Variants in DSCAM observed in about 807,000 individuals in gnomAD.
DSCAM encodes cell adhesion molecule DSCAM.
Under a neutral mutation model 217.7 loss-of-function variants are expected in DSCAM, and 47 were observed. The ratio of observed to expected loss-of-function variants is 0.22; its 90% CI spans 0.17 to 0.28. The LOEUF (loss-of-function observed/expected upper bound fraction) is 0.28, where lower values mean the gene tolerates loss of function less well. Among genes scored for constraint, DSCAM ranks in the 10% least tolerant of loss-of-function variants. The probability of loss-of-function intolerance (pLI) is 1.00; values close to 1 mark genes in which losing one functional copy is unlikely to be tolerated. For missense variants in DSCAM, 2,080 were observed against 2,618.3 expected (o/e 0.79, Z 4.49); for synonymous variants, 1,056 against 1,015.3 (o/e 1.04, Z -0.76).
intron 3 of DSCAM, among the ~76,000 whole-genome samples, chr21:40,592,243 GTTTAGGTAGT>G (rs1243467301): frequency 6.6e-6 from 1 of 152,156 alleles, no homozygotes; most frequent in Non-Finnish European, 1.5e-5. Context: ...TCTGTAAGGA[GTTTAGGTAGT>G]TATCCTAAGG....
At chr21:40,314,598 A>G (rs1029627584) in intron 8 of DSCAM, among the ~76,000 whole-genome samples, 12 of 152,222 alleles carry the variant, frequency 7.9e-5, no homozygotes, top group Non-Finnish European at 1.2e-4. Context: ...TGCTCACTAT[A>G]TATGTAAATA....
At chr21:40,025,314 A>C (rs1456628011) in intron 32 of DSCAM, among the ~76,000 whole-genome samples, 3 of 141,008 alleles carry the variant, frequency 2.1e-5, no homozygotes, top group Non-Finnish European at 4.6e-5. Flanking sequence ...TTCATCAAGG[A>C]TATTGGTCTA....
intron 11 of DSCAM, among the ~76,000 whole-genome samples, chr21:40,268,433 C>T (rs1455541704): frequency 6.6e-6 from 1 of 152,082 alleles, no homozygotes; most frequent in African/African-American, 2.4e-5. Flanking sequence ...AAGGTAATGG[C>T]TGATTGAGGG....
At chr21:40,618,366 G>T (rs1451252639) in intron 3 of DSCAM, 1 of 152,190 alleles carries the variant, frequency 6.6e-6, no homozygotes, top group Non-Finnish European at 1.5e-5. Context: ...GGCAGGAGGG[G>T]TGCTTGTTGC....
intron 21 of DSCAM, among the ~76,000 whole-genome samples, chr21:40,089,606 T>G (rs1447614068): frequency 2.6e-5 from 4 of 152,200 alleles, no homozygotes; most frequent in Admixed American, 2.6e-4. Context: ...TACCTGTCGC[T>G]AGACTGCTGC....
chr21:40,829,329 T>C (rs374685793), intron 1 of DSCAM, among the ~76,000 whole-genome samples: 4 of 151,832 alleles, frequency 2.6e-5, no homozygotes, highest in African/African-American at 9.7e-5. Flanking sequence ...GTGAGAAAGG[T>C]GTGAAGTAGT....
At chr21:40,557,842 G>GCA (rs2076684536) in intron 3 of DSCAM, among the ~76,000 whole-genome samples, 1 of 152,120 alleles carries the variant, frequency 6.6e-6, no homozygotes, top group Admixed American at 6.5e-5. Context: ...GAACTAAAAT[G>GCA]CACTGATACA....
At chr21:40,717,777 A>C (rs2090858345) in intron 1 of DSCAM, among the ~76,000 whole-genome samples, 1 of 152,256 alleles carries the variant, frequency 6.6e-6, no homozygotes, top group South Asian at 2.1e-4. Flanking sequence ...TGTATGCTTT[A>C]AGTGGATTCT....
At chr21:40,229,478 C>T (rs1354396254) in intron 11 of DSCAM, among the ~76,000 whole-genome samples, 1 of 152,160 alleles carries the variant, frequency 6.6e-6, no homozygotes, top group Non-Finnish European at 1.5e-5. Context: ...ATCCTCAACT[C>T]CCTAAAAATG....
chr21:40,444,509 C>T (rs2075658289), intron 3 of DSCAM, among the ~76,000 whole-genome samples: 2 of 152,174 alleles, frequency 1.3e-5, no homozygotes, highest in Admixed American at 6.5e-5. Flanking sequence ...ATCCAGCCAC[C>T]TGGAGCACCC....
chr21:40,307,885 A>T (rs2074096410), intron 9 of DSCAM, among the ~76,000 whole-genome samples: 1 of 146,516 alleles, frequency 6.8e-6, no homozygotes, highest in Admixed American at 7.0e-5. Context: ...TTGAACAATG[A>T]GAACACATGG....
intron 20 of DSCAM, 91 bp from the exon 21 acceptor site, chr21:40,093,965 T>A: frequency 3.6e-6 from 5 of 1,375,876 alleles, no homozygotes; most frequent in Admixed American, 2.4e-5. Context: ...ATATTAAATA[T>A]CATAACAAAA....
rs1223882585 is a variant in DSCAM at position 40,350,372 on chromosome 21, T to C, written c.935-2427A>G. ...AGGCAACCTACAGAATGGGAGAAAA[T>C]TTTTGCAATCTATCCATCTGACTAA... On this transcript the variant is annotated intron_variant, in intron 5 of 32. Transcript: ENST00000400454. Among the ~76,000 whole-genome samples the C allele has an allele frequency of 4.6e-5, 7 of 152,044 alleles. No individual in the cohort carries two copies. The East Asian group carries it at 1.2e-3, about 25-fold the overall frequency.
At chr21:40,191,433 C>G (rs887301888) in intron 11 of DSCAM, among the ~76,000 whole-genome samples, 4 of 152,178 alleles carry the variant, frequency 2.6e-5, no homozygotes, top group Admixed American at 2.0e-4. Context: ...TTCTGAGATG[C>G]AGCAAAACTG....
chr21:40,356,603 C>T (rs575619676), intron 4 of DSCAM, among the ~76,000 whole-genome samples: 11 of 152,204 alleles, frequency 7.2e-5, no homozygotes, highest in Admixed American at 4.6e-4. Context: ...TGCTTCTTTA[C>T]ATCACCTGGA....
chr21:40,540,892 T>C (rs1655076198), intron 3 of DSCAM, among the ~76,000 whole-genome samples: 1 of 152,088 alleles, frequency 6.6e-6, no homozygotes, highest in South Asian at 2.1e-4. Flanking sequence ...AGGTTTTTTG[T>C]TTGGGGTATT....
chr21:40,373,857 G>C (rs2074923718), intron 3 of DSCAM, among the ~76,000 whole-genome samples: 1 of 152,150 alleles, frequency 6.6e-6, no homozygotes, highest in African/African-American at 2.4e-5. Flanking sequence ...CCTCAGTCTA[G>C]TCATTTAACT....
At chr21:40,732,419 T>A (rs1569007664) in intron 1 of DSCAM, among the ~76,000 whole-genome samples, 1 of 152,208 alleles carries the variant, frequency 6.6e-6, no homozygotes, top group Non-Finnish European at 1.5e-5. Flanking sequence ...CTCAGCAATA[T>A]CTAGTCTCTT....
At chr21:40,296,265 A>T in intron 9 of DSCAM, 91 bp from the exon 10 acceptor site, 1 of 1,436,288 alleles carries the variant, frequency 7.0e-7, no homozygotes, top group Non-Finnish European at 9.5e-7. Context: ...TTTAATGAAT[A>T]TTAAAATATG....
Sources: allele counts gnomAD v4.1 joint callset (sites outside exome capture counted in the v4.1 genomes callset), GRCh38; gene constraint gnomAD v4.1.1; transcripts MANE v1.5; gene names NCBI Gene and HGNC (gene_info 2026-07-23, HGNC 2026-07-21).